PSPH: variants seen among roughly 807,000 people sequenced by gnomAD.
PSPH encodes the protein phosphoserine phosphatase.
A neutral mutation model predicts 23.4 loss-of-function variants in PSPH; 16 were observed. The observed-to-expected ratio is 0.68, with a 90% CI of 0.46 to 1.04. The LOEUF (loss-of-function observed/expected upper bound fraction) is 1.04. Ranked by LOEUF, PSPH falls within the 50% of genes least tolerant of loss-of-function variation. The pLI is 0.00. For synonymous variants in PSPH, 68 were observed against 99.7 expected, an observed-to-expected ratio of 0.68 and a Z score of 1.89; for missense variants, 223 against 273.7, an observed-to-expected ratio of 0.81 and a Z score of 1.31.
intron 5 of PSPH, among the ~76,000 whole-genome samples, chr7:56,018,330 G>C (rs1365488739): frequency 2.0e-5 from 3 of 151,548 alleles, no homozygotes; most frequent in African/African-American, 7.3e-5. Context: ...GCAACAGTGC[G>C]AGACTCTGTC....
rs1235450233 is a variant in PSPH at position 56,021,381 on chromosome 7, T to C, written c.-19-150A>G. On this transcript the variant is annotated intron_variant, in intron 3 of 7. Transcript: ENST00000275605. Reference sequence around the variant, plus strand: ...AGATTCATTTTTTTTTCCTTTTCTTTTTGTTTACTTCCCACACTACACCAG... The same window carrying C: ...AGATTCATTTTTTTTTCCTTTTCTTCTTGTTTACTTCCCACACTACACCAG... The C allele has an allele frequency of 9.4e-6, 7 of 745,244 alleles. No individual in the cohort carries two copies. The South Asian group carries it at 1.1e-4, about 12-fold the overall frequency. The allele number at this position is 745,244 out of a possible 1,614,324, so 46.2% of individuals were successfully genotyped here.
At chr7:56,016,165 A>G (rs1788526284) in intron 6 of PSPH, among the ~76,000 whole-genome samples, 1 of 151,636 alleles carries the variant, frequency 6.6e-6, no homozygotes, top group South Asian at 2.1e-4. Flanking sequence ...TTGGGAGGCC[A>G]AGGCAGGTGG....
intron 3 of PSPH, among the ~76,000 whole-genome samples, chr7:56,030,087 G>C (rs1405191826): frequency 1.3e-5 from 2 of 151,610 alleles, no homozygotes; most frequent in African/African-American, 4.8e-5. Context: ...GGGATCCCCA[G>C]CACATGCACT....
chr7:56,037,662 G>A (rs1206008447), intron 1 of PSPH, among the ~76,000 whole-genome samples: 2 of 150,786 alleles, frequency 1.3e-5, no homozygotes, highest in Non-Finnish European at 2.9e-5. Context: ...ACTTTACCCA[G>A]CTCTGAAAGG....
chr7:56,037,440 A>C (rs1055428238), intron 1 of PSPH, among the ~76,000 whole-genome samples: 2 of 145,886 alleles, frequency 1.4e-5, no homozygotes, highest in Admixed American at 1.4e-4. Flanking sequence ...TTTTCTTTTG[A>C]GGCAGGGTCT....
At chr7:56,028,585 T>C (rs1219039193) in intron 3 of PSPH, among the ~76,000 whole-genome samples, 2 of 152,090 alleles carry the variant, frequency 1.3e-5, no homozygotes, top group East Asian at 3.9e-4. Flanking sequence ...AGGCTGATTC[T>C]TTTTCCACAC....
intron 5 of PSPH, among the ~76,000 whole-genome samples, chr7:56,018,005 G>T (rs1247998416): frequency 6.6e-6 from 1 of 150,534 alleles, no homozygotes; most frequent in Non-Finnish European, 1.5e-5. Flanking sequence ...TTACATGCAT[G>T]AGCCACCATG....
At chr7:56,013,156 TACACACACACACAC>T (rs34329610) in intron 7 of PSPH, among the ~76,000 whole-genome samples, 3 of 142,098 alleles carry the variant, frequency 2.1e-5, no homozygotes, top group South Asian at 2.3e-4. Context: ...TGTATGTGTA[TACACACACACACAC>T]ACACACACAC....
chr7:56,046,186 G>C (rs1224815055), intron 1 of PSPH, among the ~76,000 whole-genome samples: 9 of 151,926 alleles, frequency 5.9e-5, no homozygotes, highest in Non-Finnish European at 1.2e-4. Context: ...GCCCAGGCTG[G>C]AGTGCAATGG....
At position 56,014,969 on chromosome 7, in the gene PSPH, A is replaced by G; in HGVS notation, c.570+54T>C. The G allele has an allele frequency of 1.3e-6, 2 of 1,492,948 alleles. 1 individual carries two copies. The highest frequency in any genetic ancestry group is 1.8e-6 in the Non-Finnish European group (2 of 1,108,782). 92.5% of individuals were successfully genotyped at this position (1,492,948 alleles called of 1,614,324 possible). A position where few individuals can be genotyped will look rare whatever the true frequency, so the allele number is the denominator to read the frequency against. On this transcript the variant is annotated intron_variant, in intron 7 of 7. Transcript: ENST00000275605. Reference sequence around the variant, plus strand: ...AAAAAAAATAAAGAAATAATAAATAAATAAATAAAACAAAAGTACAACCTG... The same window carrying G: ...AAAAAAAATAAAGAAATAATAAATAGATAAATAAAACAAAAGTACAACCTG...
intron 7 of PSPH, among the ~76,000 whole-genome samples, chr7:56,013,724 C>T: frequency 6.6e-6 from 1 of 151,808 alleles, no homozygotes; most frequent in East Asian, 1.9e-4. Context: ...TAGCAAGACC[C>T]TGTCTCCAAA....
chr7:56,041,207 CTCTT>C (rs1214848670), intron 1 of PSPH, among the ~76,000 whole-genome samples: 34 of 147,622 alleles, frequency 2.3e-4, no homozygotes, highest in South Asian at 8.7e-4. Flanking sequence ...CTCTCTCTCT[CTCTT>C]TTTTTTTTTT....
intron 1 of PSPH, among the ~76,000 whole-genome samples, chr7:56,044,350 A>G (rs1264333832): frequency 6.6e-6 from 1 of 152,198 alleles, no homozygotes; most frequent in Non-Finnish European, 1.5e-5. Context: ...TTGAGTGTAC[A>G]TCATTGCAAA....
intron 3 of PSPH, among the ~76,000 whole-genome samples, chr7:56,029,080 GC>G (rs2116861720): frequency 6.6e-6 from 1 of 152,178 alleles, no homozygotes; most frequent in South Asian, 2.1e-4. Flanking sequence ...CTCCCAAAGT[GC>G]TGGGATGACA....
chr7:56,039,610 T>C (rs1303109597), intron 1 of PSPH, among the ~76,000 whole-genome samples: 1 of 150,544 alleles, frequency 6.6e-6, no homozygotes, highest in Non-Finnish European at 1.5e-5. Context: ...AGCCCATCTC[T>C]ACTAAAATAC....
chr7:56,028,601 C>T (rs182704557), intron 3 of PSPH, among the ~76,000 whole-genome samples: 48 of 152,190 alleles, frequency 3.2e-4, no homozygotes, highest in African/African-American at 1.1e-3. Context: ...CACACCCTCC[C>T]TAGGAGACTG....
chr7:56,048,106 C>T (rs370183861), intron 1 of PSPH, among the ~76,000 whole-genome samples: 1 of 151,980 alleles, frequency 6.6e-6, no homozygotes, highest in Non-Finnish European at 1.5e-5. Context: ...TGGTGAAACC[C>T]CATTTCTACT....
chr7:56,028,613 G>A (rs886749769), intron 3 of PSPH, among the ~76,000 whole-genome samples: 4 of 152,070 alleles, frequency 2.6e-5, no homozygotes, highest in African/African-American at 9.7e-5. Context: ...AGGAGACTGA[G>A]CTGGATTTTA....
At chr7:56,050,440 A>C (rs1793862391) in intron 1 of PSPH, among the ~76,000 whole-genome samples, 1 of 152,012 alleles carries the variant, frequency 6.6e-6, no homozygotes, top group African/African-American at 2.4e-5. Context: ...TAATTTTTGT[A>C]TTTGTTGTAT....
Sources: gnomAD v4.1 joint callset for allele counts (sites outside exome capture counted in the v4.1 genomes callset) on GRCh38, gnomAD v4.1.1 for gene constraint, MANE v1.5 for transcripts, NCBI Gene and HGNC (gene_info 2026-07-23, HGNC 2026-07-21) for gene names.